Variants in LCORL observed in about 807,000 individuals in gnomAD.
LCORL encodes ligand-dependent nuclear receptor corepressor-like protein.
LCORL carries 41 observed loss-of-function variants against 141.8 expected under a neutral mutation model. The observed-to-expected ratio is 0.29, with a 90% CI of 0.23 to 0.38. LCORL has a LOEUF of 0.38. LCORL is among the 10% of genes least tolerant of loss of function. The pLI, the probability that LCORL is intolerant of heterozygous loss-of-function variation, is 1.00. For synonymous variants in LCORL, 618 were observed against 694.1 expected (o/e 0.89, Z 1.72); for missense variants, 1,759 against 2,035.0 (o/e 0.86, Z 2.61).
At chr4:17,842,628 T>G (rs1722526524) in exon 8 of LCORL, 1 of 371,468 alleles carries the variant, frequency 2.7e-6, no homozygotes, top group Non-Finnish European at 5.0e-6. Flanking sequence ...TTTCAATTTT[T>G]AATTACATGA....
chr4:17,949,656 C>T (rs1739415376), intron 4 of LCORL, among the ~76,000 whole-genome samples: 1 of 152,144 alleles, frequency 6.6e-6, no homozygotes, highest in South Asian at 2.1e-4. Context: ...ACACTTTCTT[C>T]TCCTAGCTCT....
At chr4:17,896,134 A>G (rs932423427) in intron 5 of LCORL, among the ~76,000 whole-genome samples, 1 of 152,194 alleles carries the variant, frequency 6.6e-6, no homozygotes, top group Non-Finnish European at 1.5e-5. Flanking sequence ...AAGGGGTTGC[A>G]TCATTTTATA....
chr4:17,899,985 C>G (rs1323453278), intron 5 of LCORL, among the ~76,000 whole-genome samples: 3 of 152,116 alleles, frequency 2.0e-5, no homozygotes, highest in African/African-American at 7.2e-5. Flanking sequence ...AATCCAAAAT[C>G]TGAAACACTT....
intron 1 of LCORL, among the ~76,000 whole-genome samples, chr4:17,990,057 C>A (rs186430183): frequency 6.0e-5 from 9 of 150,754 alleles, no homozygotes; most frequent in Admixed American, 5.9e-4. Context: ...TCTCCCACTT[C>A]GTCTTCTACC....
chr4:17,883,670 GCAAACACACACACACA>G, intron 6 of LCORL: 1 of 1,236,602 alleles, frequency 8.1e-7, no homozygotes, highest in Non-Finnish European at 1.1e-6. Flanking sequence ...ACACACACAC[GCAAACACACACACACA>G]CACACACTCA....
chr4:17,858,199 C>T (rs1274461988), intron 7 of LCORL, among the ~76,000 whole-genome samples: 2 of 151,896 alleles, frequency 1.3e-5, no homozygotes, highest in African/African-American at 4.8e-5. Flanking sequence ...CCAGAGTTGA[C>T]ATACCACTTA....
chr4:17,867,888 A>C (rs1008469970), intron 7 of LCORL, among the ~76,000 whole-genome samples: 3 of 152,210 alleles, frequency 2.0e-5, no homozygotes, highest in African/African-American at 7.2e-5. Flanking sequence ...ACAAAATATT[A>C]TGGCAAAAGT....
chr4:17,999,983 A>G (rs1030433531), intron 1 of LCORL, among the ~76,000 whole-genome samples: 5 of 152,216 alleles, frequency 3.3e-5, no homozygotes, highest in African/African-American at 1.2e-4. Context: ...AGTGTACAAA[A>G]GGGATAAGAT....
At chr4:17,996,696 A>G (rs933138169) in intron 1 of LCORL, among the ~76,000 whole-genome samples, 1 of 152,086 alleles carries the variant, frequency 6.6e-6, no homozygotes, top group Admixed American at 6.5e-5. Flanking sequence ...ATTGAAAAAA[A>G]AAGTTTTATA....
chr4:17,851,322 G>C (rs1415074886), intron 7 of LCORL, among the ~76,000 whole-genome samples: 2 of 151,898 alleles, frequency 1.3e-5, no homozygotes, highest in Non-Finnish European at 2.9e-5. Context: ...ATGGAAAGAA[G>C]TCTATCGGTG....
chr4:18,020,162 A>G (rs1161558800), intron 1 of LCORL, among the ~76,000 whole-genome samples: 1 of 152,236 alleles, frequency 6.6e-6, no homozygotes, highest in Non-Finnish European at 1.5e-5. Context: ...TCTGCGGTAC[A>G]CATTTCTGAA....
intron 4 of LCORL, among the ~76,000 whole-genome samples, chr4:17,915,311 C>T (rs915952809): frequency 2.0e-5 from 3 of 152,172 alleles, no homozygotes; most frequent in Non-Finnish European, 4.4e-5. Context: ...CACAACCCAG[C>T]TCACTCCTTG....
chr4:17,872,174 T>A (rs1054867120), intron 7 of LCORL, among the ~76,000 whole-genome samples: 1 of 151,994 alleles, frequency 6.6e-6, no homozygotes, highest in Non-Finnish European at 1.5e-5. Context: ...AATGTAAAAT[T>A]TCTTTCATGT....
At chr4:18,019,662 T>C (rs546407097) in intron 1 of LCORL, among the ~76,000 whole-genome samples, 2 of 151,222 alleles carry the variant, frequency 1.3e-5, no homozygotes, top group South Asian at 2.1e-4. Context: ...CTATACTTAA[T>C]GTATCTAAAT....
At chr4:17,850,887 A>G (rs2109099519) in intron 7 of LCORL, among the ~76,000 whole-genome samples, 1 of 151,820 alleles carries the variant, frequency 6.6e-6, no homozygotes, top group South Asian at 2.1e-4. Flanking sequence ...CCAAATGTCC[A>G]GCAATGATAG....
intron 5 of LCORL, among the ~76,000 whole-genome samples, chr4:17,892,209 CTT>C (rs1018422638): frequency 4.0e-5 from 5 of 126,490 alleles, no homozygotes; most frequent in Admixed American, 1.6e-4. Flanking sequence ...TTTTTTTTTT[CTT>C]TTTTTTTTTT....
intron 1 of LCORL, among the ~76,000 whole-genome samples, chr4:17,994,722 G>T (rs1409252194): frequency 1.4e-5 from 2 of 138,678 alleles, no homozygotes; most frequent in African/African-American, 6.2e-5. Context: ...ACAGCAGTGA[G>T]TAAAGAGAAA....
chr4:17,906,456 A>G (rs74674097), intron 5 of LCORL, among the ~76,000 whole-genome samples: 1,984 of 152,264 alleles, frequency 0.013, 38 homozygotes, highest in African/African-American at 0.045. Context: ...ATCACATATG[A>G]CAATAAGTCA....
chr4:17,987,289 T>C (rs1364026605), intron 1 of LCORL, among the ~76,000 whole-genome samples: 2 of 152,226 alleles, frequency 1.3e-5, no homozygotes, highest in African/African-American at 2.4e-5. Flanking sequence ...CCTTTTCTGA[T>C]ATTACATATA....
Sources: gnomAD v4.1 joint callset for allele counts (sites outside exome capture counted in the v4.1 genomes callset) on GRCh38, gnomAD v4.1.1 for gene constraint, MANE v1.5 for transcripts, NCBI Gene and HGNC (gene_info 2026-07-23, HGNC 2026-07-21) for gene names.